The following RERE variants were observed in gnomAD, a reference collection of about 807,000 sequenced individuals.
RERE encodes the protein arginine-glutamic acid dipeptide repeats protein.
RERE carries 40 observed loss-of-function variants against 146.1 expected under a neutral mutation model. That is an observed-to-expected ratio of 0.27 (90% CI 0.21 to 0.36). The LOEUF is 0.36. Ranked by LOEUF, RERE falls within the 10% of genes least tolerant of loss-of-function variation. The probability of loss-of-function intolerance (pLI) is 1.00; values close to 1 mark genes in which losing one functional copy is unlikely to be tolerated. For missense variants in RERE, 1,933 were observed against 2,138.7 expected, an observed-to-expected ratio of 0.90 and a Z score of 1.90; for synonymous variants, 1,003 against 866.0, an observed-to-expected ratio of 1.16 and a Z score of -2.78.
At chr1:8,367,640 G>A (rs888823625) in intron 12 of RERE, among the ~76,000 whole-genome samples, 1 of 152,208 alleles carries the variant, frequency 6.6e-6, no homozygotes, top group African/African-American at 2.4e-5. Flanking sequence ...GTATGTGCAT[G>A]TGCCCACCCC....
intron 1 of RERE, among the ~76,000 whole-genome samples, chr1:8,774,347 A>ACTT (rs1641015515): frequency 2.1e-5 from 2 of 93,180 alleles, no homozygotes; most frequent in African/African-American, 4.0e-5. Flanking sequence ...TTGGCAAACT[A>ACTT]TTTTTTTTTT....
chr1:8,617,111 G>A (rs746232362), intron 3 of RERE, among the ~76,000 whole-genome samples: 8 of 152,020 alleles, frequency 5.3e-5, no homozygotes, highest in Middle Eastern at 3.2e-3. Context: ...TTGGGAGGCC[G>A]AGGCGGGCGG....
chr1:8,641,171 GA>G (rs1471008138), intron 2 of RERE, among the ~76,000 whole-genome samples: 4 of 152,268 alleles, frequency 2.6e-5, no homozygotes, highest in South Asian at 4.1e-4. Flanking sequence ...TCTCTGTCAA[GA>G]AAAAGAGCCA....
In RERE at chr1:8,495,158, T is replaced by C. The variant is rs749407468; in HGVS notation, c.1009A>G (p.Met337Val). The change falls in exon 10 of 23, where the codon ATG becomes GTG. Residue 337 changes from methionine to valine, a missense_variant. By Grantham distance (21) the Met-to-Val change is conservative. Transcript: ENST00000400908. ...LLMYLRAARSMAAFAGMCDGG... is the reference protein window; with the variant it reads ...LLMYLRAARSVAAFAGMCDGG... ...TCACACATTCCTGCAAATGCCGCCA[T>C]GCTCCTTCAGAAGAAAAGGTTTTTC... is the stretch of plus-strand genomic sequence containing the variant. 2.5e-6 allele frequency: 4 copies of C among 1,612,870 alleles called. No homozygotes were observed. Among genetic ancestry groups the C allele is most frequent in the Non-Finnish European group, 2.5e-6 (3 of 1,178,888 alleles).
intron 4 of RERE, among the ~76,000 whole-genome samples, chr1:8,586,227 C>T (rs551153341): frequency 6.6e-6 from 1 of 152,264 alleles, no homozygotes; most frequent in South Asian, 2.1e-4. Context: ...GAAGACATAT[C>T]ATATGCATAA....
intron 4 of RERE, among the ~76,000 whole-genome samples, chr1:8,565,606 CTGAG>C (rs1268732717): frequency 7.7e-4 from 117 of 152,216 alleles, no homozygotes; most frequent in Non-Finnish European, 1.8e-4. Context: ...ACTCGGGAGG[CTGAG>C]TGAGGCAGTA....
Position 8,677,416 on chromosome 1 carries a change from T to G in RERE, c.-144-20975A>C, listed in dbSNP as rs566348486. Among the ~76,000 whole-genome samples, 23 of 112,834 alleles carry G rather than the reference T, an allele frequency of 2.0e-4. No individual in the cohort carries two copies. The East Asian group carries it at 4.8e-3, about 24-fold the overall frequency. The allele number at this position is 112,834 out of a possible 152,430, so 74.0% of individuals were successfully genotyped here. The stretch of plus-strand genomic sequence containing the variant: ...ACTCCAGCCTGGGCGACAGAGTGAG[T>G]CTCCGTCTCAAAAAAAAAAAAAAAG... On this transcript the variant is annotated intron_variant, in intron 1 of 22. Transcript: ENST00000400908.
chr1:8,438,980 G>T (rs1271948041), intron 11 of RERE, among the ~76,000 whole-genome samples: 2 of 152,048 alleles, frequency 1.3e-5, no homozygotes, highest in Non-Finnish European at 2.9e-5. Flanking sequence ...AAGAAAAAAG[G>T]TCCATTTCTG....
chr1:8,527,397 T>C (rs1259895034), intron 7 of RERE, among the ~76,000 whole-genome samples: 1 of 151,836 alleles, frequency 6.6e-6, no homozygotes, highest in Admixed American at 6.6e-5. Flanking sequence ...CCAAATAATA[T>C]GAATATGAGC....
At chr1:8,679,987 C>T (rs1033813427) in intron 1 of RERE, among the ~76,000 whole-genome samples, 3 of 152,138 alleles carry the variant, frequency 2.0e-5, no homozygotes, top group Non-Finnish European at 4.4e-5. Flanking sequence ...AAACTACACA[C>T]GTTTTTCCAT....
intron 7 of RERE, among the ~76,000 whole-genome samples, chr1:8,523,022 C>T (rs1645523849): frequency 6.6e-6 from 1 of 151,586 alleles, no homozygotes. Context: ...ACAGAAAATA[C>T]AAAAAATTAG....
intron 12 of RERE, among the ~76,000 whole-genome samples, chr1:8,409,247 G>A (rs1457751950): frequency 2.0e-5 from 3 of 152,286 alleles, no homozygotes; most frequent in Admixed American, 6.5e-5. Flanking sequence ...GTTTAGCCCC[G>A]ACAATGGTTG....
chr1:8,481,700 G>C (rs999566242), intron 10 of RERE, among the ~76,000 whole-genome samples: 1 of 152,186 alleles, frequency 6.6e-6, no homozygotes, highest in Non-Finnish European at 1.5e-5. Context: ...AAAATTAATA[G>C]TGATGAACTT....
At chr1:8,653,556 G>A (rs1324357961) in intron 2 of RERE, among the ~76,000 whole-genome samples, 3 of 151,974 alleles carry the variant, frequency 2.0e-5, no homozygotes, top group African/African-American at 4.8e-5. Flanking sequence ...TTAGCTGGGC[G>A]CAGTGGTGGG....
chr1:8,651,216 C>A (rs1647614053), intron 2 of RERE, among the ~76,000 whole-genome samples: 2 of 151,890 alleles, frequency 1.3e-5, no homozygotes, highest in Admixed American at 6.6e-5. Context: ...GAGTTCAAGA[C>A]CAGCCTGAAT....
intron 4 of RERE, among the ~76,000 whole-genome samples, chr1:8,575,465 T>C (rs1646279910): frequency 6.9e-6 from 1 of 145,018 alleles, no homozygotes; most frequent in African/African-American, 2.5e-5. Flanking sequence ...CACTGCAGCC[T>C]CAACATCCCA....
chr1:8,772,554 C>T (rs979534961), intron 1 of RERE, among the ~76,000 whole-genome samples: 19 of 152,130 alleles, frequency 1.2e-4, no homozygotes, highest in African/African-American at 4.6e-4. Context: ...GCAGGTGGAT[C>T]ACCTGAGATC....
intron 10 of RERE, among the ~76,000 whole-genome samples, chr1:8,476,679 C>T (rs1644760623): frequency 6.6e-6 from 1 of 152,178 alleles, no homozygotes; most frequent in Non-Finnish European, 1.5e-5. Flanking sequence ...CTTGCCTATG[C>T]TTTATGAACA....
At chr1:8,807,903 C>A (rs1434525472) in intron 1 of RERE, among the ~76,000 whole-genome samples, 1 of 152,128 alleles carries the variant, frequency 6.6e-6, no homozygotes, top group Non-Finnish European at 1.5e-5. Flanking sequence ...CACAAATTTA[C>A]ATTGGTATTT....
Sources: allele counts gnomAD v4.1 joint callset (sites outside exome capture counted in the v4.1 genomes callset), GRCh38; gene constraint gnomAD v4.1.1; transcripts MANE v1.5; gene names NCBI Gene and HGNC (gene_info 2026-07-23, HGNC 2026-07-21).